Variants in RFX4 observed in about 807,000 individuals in gnomAD.
The protein encoded by RFX4 is transcription factor RFX4.
A neutral mutation model predicts 95.0 loss-of-function variants in RFX4; 10 were observed. That is an observed-to-expected ratio of 0.11 (90% CI 0.06 to 0.18). RFX4 has a LOEUF of 0.18. RFX4 is among the 10% of genes least tolerant of loss of function. The pLI, the probability that RFX4 is intolerant of heterozygous loss-of-function variation, is 1.00. For missense variants in RFX4, 640 were observed against 922.0 expected (o/e 0.69, Z 3.96); for synonymous variants, 321 against 340.7 (o/e 0.94, Z 0.64).
chr12:106,585,141 A>G (rs1054747264), intron 1 of RFX4, among the ~76,000 whole-genome samples: 27 of 152,246 alleles, frequency 1.8e-4, no homozygotes, highest in Admixed American at 1.5e-3. Context: ...CGAGCGGCCC[A>G]CGCAGGGACA....
At chr12:106,659,996 T>C (rs2041040376) in intron 4 of RFX4, among the ~76,000 whole-genome samples, 1 of 152,170 alleles carries the variant, frequency 6.6e-6, no homozygotes, top group Non-Finnish European at 1.5e-5. Context: ...TCAAGTGTGC[T>C]GATCACTGCA....
At chr12:106,721,589 C>T (rs2042396991) in intron 13 of RFX4, among the ~76,000 whole-genome samples, 1 of 152,212 alleles carries the variant, frequency 6.6e-6, no homozygotes, top group African/African-American at 2.4e-5. Context: ...GCAGTATGTA[C>T]TGAGTCCAGG....
rs185775790 is a variant in RFX4 at position 106,703,886 on chromosome 12, C to T, written c.834-5444C>T. ...TCTGAGAACAGCCTGGCCAATGTGTCGAAACCCTGTCTCTACGAAAAATAC... is the reference window on the plus strand; with the variant it reads ...TCTGAGAACAGCCTGGCCAATGTGTTGAAACCCTGTCTCTACGAAAAATAC... On this transcript the variant is annotated intron_variant, in intron 8 of 17. Coordinates refer to ENST00000392842, the MANE Select transcript of RFX4 (RefSeq NM_213594.3). 4.7e-3 allele frequency among the ~76,000 whole-genome samples: 716 copies of T among 151,914 alleles called. 3 individuals carry two copies. Among genetic ancestry groups the T allele is most frequent in the African/African-American group, 0.016 (682 of 41,442 alleles).
In RFX4 at chr12:106,639,373, A is replaced by G. The variant is rs1175824443; in HGVS notation, c.172A>G (p.Thr58Ala). 1.2e-6 allele frequency: 2 copies of G among 1,612,792 alleles called. No homozygotes were observed. The highest frequency in any genetic ancestry group is 2.2e-5 in the East Asian group (1 of 44,780). ...ENNRASKPHSTPATLQWLEEN... is the reference protein window; with the variant it reads ...ENNRASKPHSAPATLQWLEEN... ...TAATAGAGCATCCAAGCCCCACTCC[A>G]CTCCTGCTACTCTGCAATGGTAAGT... Residue 58 changes from threonine to alanine, a missense_variant, in exon 3 of 18, where the codon ACT becomes GCT. By Grantham distance (58) the Thr-to-Ala change is moderately conservative. This residue lies in a region of RFX4 where 63 missense variants were observed against 68.8 expected (regional missense o/e 0.92). Transcript: ENST00000392842.
chr12:106,630,509 GGGTGCCAGTCACCCTGCTCATCAGCT>G (rs1273345578), intron 2 of RFX4, among the ~76,000 whole-genome samples: 9 of 152,312 alleles, frequency 5.9e-5, no homozygotes, highest in Admixed American at 1.3e-4. Context: ...CCAAAGGCCT[GGGTGCCAGTCACCCTGCTCATCAGCT>G]GGTGCCCTTT....
intron 2 of RFX4, among the ~76,000 whole-genome samples, chr12:106,614,241 A>G (rs1015458720): frequency 6.6e-6 from 1 of 151,826 alleles, no homozygotes; most frequent in Non-Finnish European, 1.5e-5. Context: ...GCTCACTGCA[A>G]CCTCTGCCTC....
Position 106,720,115 on chromosome 12 carries a change from G to A in RFX4, c.1233+61G>A, listed in dbSNP as rs2042368469. The A allele has an allele frequency of 7.1e-7, 1 of 1,415,150 alleles. No individual in the cohort carries two copies. Among genetic ancestry groups the A allele is most frequent in the Admixed American group, 1.7e-5 (1 of 59,494 alleles). 87.7% of individuals were successfully genotyped at this position (1,415,150 alleles called of 1,614,324 possible). On this transcript the variant is annotated intron_variant, in intron 12 of 17. Transcript: ENST00000392842. This position sits in a 1 kb window ranked among gnomAD's most constrained non-coding sequence, Gnocchi z 4.2. ...CCTGCAGCCCACCACTGCCCTCTGT[G>A]AACTTGGCCAAGACAAAGCCCTATG...
At chr12:106,683,464 C>A (rs12298923) in intron 5 of RFX4, 1 of 16,172 alleles carries the variant, frequency 6.2e-5, no homozygotes, top group Non-Finnish European at 1.4e-4. Flanking sequence ...GATGACTATT[C>A]TGAAAAAAAA....
intron 8 of RFX4, among the ~76,000 whole-genome samples, chr12:106,702,002 T>C (rs1354299516): frequency 6.6e-6 from 1 of 152,118 alleles, no homozygotes; most frequent in Non-Finnish European, 1.5e-5. Flanking sequence ...ACCCTGTCTC[T>C]AATAATAATT....
At position 106,735,863 on chromosome 12, in the gene RFX4, G is replaced by A. The variant is rs183447100; in HGVS notation, c.1633+2778G>A. Among the ~76,000 whole-genome samples the A allele has an allele frequency of 1.8e-3, 277 of 152,308 alleles. 1 individual carries two copies. Among genetic ancestry groups the A allele is most frequent in the African/African-American group, 6.3e-3 (262 of 41,574 alleles). Reference sequence around the variant, plus strand: ...AGGAAGAATGTGGTATATGCAATAAGTGAGATATAAACTAATGCTATGAGG... The same window carrying A: ...AGGAAGAATGTGGTATATGCAATAAATGAGATATAAACTAATGCTATGAGG... On this transcript the variant is annotated intron_variant, in intron 15 of 17. Transcript: ENST00000392842.
intron 2 of RFX4, among the ~76,000 whole-genome samples, chr12:106,620,640 G>A (rs2040165005): frequency 1.3e-5 from 2 of 152,116 alleles, no homozygotes; most frequent in Admixed American, 6.6e-5. Context: ...AGCGGTGCAT[G>A]TATTGTCTTG....
Position 106,747,506 on chromosome 12 carries a change from A to G in RFX4, c.1703A>G (p.Asn568Ser). Residue 568 changes from asparagine to serine, a missense_variant, in exon 16 of 18, where the codon AAC (asparagine) becomes AGC (serine). Asn to Ser is a conservative substitution (Grantham distance 46). Coordinates refer to ENST00000392842, the MANE Select transcript of RFX4 (RefSeq NM_213594.3). ...VTTAAGSPAENSQQLPCMRNT... is the reference protein window; with the variant it reads ...VTTAAGSPAESSQQLPCMRNT... ...ACGGCTGCTGGGTCCCCAGCTGAGA[A>G]CTCCCAACAGCTGCCCTGTATGAGG... The G allele has an allele frequency of 1.9e-6, 3 of 1,614,048 alleles. No homozygotes were observed. The highest frequency in any genetic ancestry group is 1.3e-5 in the African/African-American group (1 of 74,996).
chr12:106,601,005 T>C (rs968425366), intron 1 of RFX4: 5 of 566,714 alleles, frequency 8.8e-6, no homozygotes, highest in Admixed American at 4.1e-5. Flanking sequence ...GCCATGTTGA[T>C]CACTAGCTGC....
chr12:106,726,358 C>T, intron 13 of RFX4, among the ~76,000 whole-genome samples: 1 of 152,050 alleles, frequency 6.6e-6, no homozygotes, highest in South Asian at 2.1e-4. Context: ...TCTCATTGTC[C>T]TCAGTGCTGC....
At chr12:106,702,118 T>G (rs1239435891) in intron 8 of RFX4, among the ~76,000 whole-genome samples, 1 of 152,222 alleles carries the variant, frequency 6.6e-6, no homozygotes, top group Non-Finnish European at 1.5e-5. Flanking sequence ...CCATTAGAGC[T>G]TTTAACATAG....
At chr12:106,617,513 T>G (rs2040097327) in intron 2 of RFX4, among the ~76,000 whole-genome samples, 1 of 152,252 alleles carries the variant, frequency 6.6e-6, no homozygotes, top group Non-Finnish European at 1.5e-5. Flanking sequence ...AGAAATCTGT[T>G]GCTTAATGTC....
At chr12:106,671,701 AC>A (rs374092525) in intron 4 of RFX4, among the ~76,000 whole-genome samples, 2,390 of 152,000 alleles carry the variant, frequency 0.016, 30 homozygotes, top group Non-Finnish European at 0.022. Flanking sequence ...TCGCTCTGTC[AC>A]CCAGGCTGGA....
intron 1 of RFX4, among the ~76,000 whole-genome samples, chr12:106,603,874 G>A (rs931242820): frequency 3.3e-5 from 5 of 152,084 alleles, no homozygotes; most frequent in Non-Finnish European, 5.9e-5. Context: ...ATGTGAAAAT[G>A]GCTTCTATGG....
At chr12:106,743,141 C>T (rs546182541) in intron 15 of RFX4, among the ~76,000 whole-genome samples, 100 of 152,090 alleles carry the variant, frequency 6.6e-4, no homozygotes, top group African/African-American at 2.3e-3. Flanking sequence ...GGGCTTCCAC[C>T]GCTATCCTCA....
Sources: gnomAD v4.1 joint callset for allele counts (sites outside exome capture counted in the v4.1 genomes callset) on GRCh38, gnomAD v4.1.1 for gene constraint, gnomAD v4.1.1 regional missense constraint, Gnocchi (gnomAD v3.1) non-coding constraint, MANE v1.5 for transcripts, NCBI Gene and HGNC (gene_info 2026-07-23, HGNC 2026-07-21) for gene names.